Variants in UBAP2 observed in about 807,000 individuals in gnomAD.
UBAP2 encodes ubiquitin associated protein 2, also known as ubiquitin-associated protein 2.
In UBAP2, 75 loss-of-function variants were observed where a neutral mutation model predicts 139.6. The observed-to-expected ratio is 0.54, with a 90% CI of 0.45 to 0.65. The LOEUF (loss-of-function observed/expected upper bound fraction) is 0.65. Ranked by LOEUF, UBAP2 falls within the 30% of genes least tolerant of loss-of-function variation. UBAP2 has a pLI of 0.00. For missense variants in UBAP2, 1,368 were observed against 1,369.6 expected (o/e 1.00, Z 0.02); for synonymous variants, 526 against 526.2 (o/e 1.00, Z 0.01).
chr9:33,979,493 T>C (rs1401227878), intron 6 of UBAP2, among the ~76,000 whole-genome samples: 4 of 152,098 alleles, frequency 2.6e-5, no homozygotes, highest in Non-Finnish European at 5.9e-5. Context: ...GAGAATTGCT[T>C]GAACCCGGGA....
chr9:34,002,984 G>T (rs1018944114), intron 2 of UBAP2, among the ~76,000 whole-genome samples: 1 of 151,994 alleles, frequency 6.6e-6, no homozygotes. Flanking sequence ...CACAGTGCCC[G>T]GCCTATATCT....
chr9:33,961,074 C>G (rs982602551), intron 9 of UBAP2, among the ~76,000 whole-genome samples, 196 bp from the exon 10 acceptor site: 1 of 152,178 alleles, frequency 6.6e-6, no homozygotes, highest in Non-Finnish European at 1.5e-5. Flanking sequence ...CTCCCCTTCT[C>G]TTTGAAATAA....
intron 12 of UBAP2, among the ~76,000 whole-genome samples, chr9:33,952,578 T>G (rs980291567): frequency 6.6e-6 from 1 of 152,172 alleles, no homozygotes; most frequent in Non-Finnish European, 1.5e-5. Flanking sequence ...TTTACATGAT[T>G]TTATAGCAAG....
chr9:33,936,011 GGA>G, intron 16 of UBAP2, 133 bp from the exon 17 acceptor site: 1 of 1,024,700 alleles, frequency 9.8e-7, no homozygotes, highest in Non-Finnish European at 1.4e-6. Context: ...TTTAATAAAG[GGA>G]AGATAAACAA....
At chr9:34,033,913 T>A (rs552483327) in intron 1 of UBAP2, among the ~76,000 whole-genome samples, 239 of 152,124 alleles carry the variant, frequency 1.6e-3, no homozygotes, top group African/African-American at 5.6e-3. Context: ...TTTTTGCATT[T>A]TTAGTAGAGA....
At chr9:33,955,485 A>G (rs1253353425) in intron 11 of UBAP2, among the ~76,000 whole-genome samples, 1 of 151,330 alleles carries the variant, frequency 6.6e-6, no homozygotes, top group African/African-American at 2.4e-5. Context: ...GTGCCACTGC[A>G]CTCCAGCCTA....
At chr9:33,990,682 G>A (rs1478168096) in intron 4 of UBAP2, among the ~76,000 whole-genome samples, 1 of 134,280 alleles carries the variant, frequency 7.4e-6, no homozygotes, top group East Asian at 2.3e-4. Flanking sequence ...GTCACCCAGA[G>A]TGGAGTGCAA....
At chr9:34,024,043 CAAAAAA>C (rs555364908) in intron 1 of UBAP2, among the ~76,000 whole-genome samples, 1 of 141,836 alleles carries the variant, frequency 7.1e-6, no homozygotes, top group Non-Finnish European at 1.5e-5. Flanking sequence ...GACTCTGTCT[CAAAAAA>C]AAATAAAAAT....
At chr9:34,002,891 TTGCCCAGATTAATA>T (rs1316705655) in intron 2 of UBAP2, among the ~76,000 whole-genome samples, 7 of 152,094 alleles carry the variant, frequency 4.6e-5, no homozygotes, top group Non-Finnish European at 1.0e-4. Context: ...TTCCGCCATG[TTGCCCAGATTAATA>T]TTGAACCCCC....
intron 1 of UBAP2, among the ~76,000 whole-genome samples, chr9:34,021,983 A>G (rs1433670104): frequency 2.0e-5 from 3 of 152,092 alleles, no homozygotes; most frequent in Non-Finnish European, 2.9e-5. Context: ...CGTGGCTCAC[A>G]CCTGTAATCC....
intron 1 of UBAP2, among the ~76,000 whole-genome samples, chr9:34,045,203 G>A (rs545934539): frequency 3.3e-5 from 5 of 150,892 alleles, no homozygotes; most frequent in South Asian, 4.2e-4. Context: ...AAAATTAGCC[G>A]GGCGTGGCGG....
intron 1 of UBAP2, among the ~76,000 whole-genome samples, chr9:34,031,688 T>A (rs1473853376): frequency 6.6e-6 from 1 of 151,460 alleles, no homozygotes; most frequent in Non-Finnish European, 1.5e-5. Context: ...TGTACCACCA[T>A]GCCCGGCTAA....
chr9:33,923,235 A>G lies in UBAP2; in HGVS notation c.2955T>C (p.Ala985=). The change falls in exon 26 of 29, where the codon GCT becomes GCC. Residue 985 remains alanine (A), a synonymous_variant. Coordinates refer to ENST00000379238, the MANE Select transcript of UBAP2 (RefSeq NM_001370062.2). ...ACTTGTTTGGTGCCTGCGATGATCC[A>G]GCATAGCCACCTTTGGAGTAGTCTC... ...AAGDYSKGGY[A]GSSQAPNKSA... 1.2e-6 allele frequency: 2 copies of G among 1,614,226 alleles called. No homozygotes were observed. Among genetic ancestry groups the G allele is most frequent in the Non-Finnish European group, 1.7e-6 (2 of 1,180,028 alleles).
chr9:33,942,931 A>G (rs1356222669), intron 15 of UBAP2, among the ~76,000 whole-genome samples: 1 of 152,130 alleles, frequency 6.6e-6, no homozygotes, highest in African/African-American at 2.4e-5. Context: ...TGACTCAGCA[A>G]CTCTACTCCT....
chr9:34,029,672 T>C (rs1825720280), intron 1 of UBAP2, among the ~76,000 whole-genome samples: 1 of 151,194 alleles, frequency 6.6e-6, no homozygotes, highest in Admixed American at 6.6e-5. Context: ...CTTGTCTCTA[T>C]TTAAAAAAAT....
intron 1 of UBAP2, among the ~76,000 whole-genome samples, chr9:34,025,054 T>C (rs1314660258): frequency 6.6e-6 from 1 of 152,056 alleles, no homozygotes; most frequent in Non-Finnish European, 1.5e-5. Context: ...TACCAAAATA[T>C]TCTTCAAGAC....
At chr9:33,964,493 G>A (rs1269466804) in intron 8 of UBAP2, among the ~76,000 whole-genome samples, 2 of 151,754 alleles carry the variant, frequency 1.3e-5, no homozygotes, top group African/African-American at 4.8e-5. Context: ...CACAACATTC[G>A]GCTTCAAAGC....
intron 1 of UBAP2, among the ~76,000 whole-genome samples, chr9:34,035,325 G>T (rs994530158): frequency 4.6e-5 from 7 of 150,590 alleles, no homozygotes; most frequent in African/African-American, 1.7e-4. Context: ...CAACATGGTG[G>T]AACCCCATCT....
intron 10 of UBAP2, among the ~76,000 whole-genome samples, chr9:33,959,907 A>G (rs1273618916): frequency 2.0e-5 from 3 of 152,116 alleles, no homozygotes; most frequent in Admixed American, 1.3e-4. Flanking sequence ...TAAGCTTAAA[A>G]AAAAAATCAA....
Sources: allele counts gnomAD v4.1 joint callset (sites outside exome capture counted in the v4.1 genomes callset), GRCh38; gene constraint gnomAD v4.1.1; transcripts MANE v1.5; gene names NCBI Gene and HGNC (gene_info 2026-07-23, HGNC 2026-07-21).